MACF1: variants seen among roughly 807,000 people sequenced by gnomAD.
MACF1 encodes the protein microtubule-actin cross-linking factor 1.
A neutral mutation model predicts 854.8 loss-of-function variants in MACF1; 193 were observed. The ratio of observed to expected loss-of-function variants is 0.23; its 90% CI spans 0.20 to 0.25. The LOEUF (loss-of-function observed/expected upper bound fraction) is 0.25. MACF1 is among the 10% of genes least tolerant of loss of function. The probability of loss-of-function intolerance (pLI) is 1.00; values close to 1 mark genes in which losing one functional copy is unlikely to be tolerated. For missense variants in MACF1, 7,722 were observed against 8,929.1 expected, an observed-to-expected ratio of 0.86 and a Z score of 5.45; for synonymous variants, 3,185 against 3,226.7, an observed-to-expected ratio of 0.99 and a Z score of 0.44.
chr1:39,203,277 T>C (rs1471928973), upstream of MACF1, among the ~76,000 whole-genome samples: 1 of 152,192 alleles, frequency 6.6e-6, no homozygotes, highest in Non-Finnish European at 1.5e-5. Flanking sequence ...GATCATGGCT[T>C]GCTGCAGCCT....
chr1:39,314,332 C>G (rs554483475), intron 26 of MACF1, among the ~76,000 whole-genome samples: 1 of 152,050 alleles, frequency 6.6e-6, no homozygotes, highest in South Asian at 2.1e-4. Context: ...TCATTTGTAC[C>G]CGGGAGGCGG....
intron 2 of MACF1, among the ~76,000 whole-genome samples, chr1:39,161,896 A>T (rs962319588): frequency 3.7e-4 from 4 of 10,732 alleles, no homozygotes; most frequent in African/African-American, 4.0e-4. Context: ...AAAATAAATT[A>T]AAAAAAAAAA....
At chr1:39,372,348 T>C in intron 51 of MACF1, 131 bp from the exon 52 acceptor site, 2 of 596,198 alleles carry the variant, frequency 3.4e-6, no homozygotes, top group Admixed American at 2.9e-5. Context: ...ATTTGATAAA[T>C]GAATAAATAA....
chr1:39,349,166 A>G (rs1647124250), intron 41 of MACF1, among the ~76,000 whole-genome samples: 1 of 152,136 alleles, frequency 6.6e-6, no homozygotes, highest in South Asian at 2.1e-4. Flanking sequence ...GTGGATTTCA[A>G]GCATCTGGGC....
intron 58 of MACF1, among the ~76,000 whole-genome samples, chr1:39,395,768 A>G (rs1642249848): frequency 6.7e-6 from 1 of 148,504 alleles, no homozygotes; most frequent in African/African-American, 2.5e-5. Context: ...CACCCCCACC[A>G]TAGCAACTGG....
intron 88 of MACF1, among the ~76,000 whole-genome samples, chr1:39,454,297 G>A (rs1388955783): frequency 6.6e-6 from 1 of 152,178 alleles, no homozygotes. Context: ...GCAGACTTTT[G>A]CAGGTTGCAC....
chr1:39,185,859 G>C (rs967233247), intron 2 of MACF1, among the ~76,000 whole-genome samples: 1 of 152,108 alleles, frequency 6.6e-6, no homozygotes, highest in Non-Finnish European at 1.5e-5. Flanking sequence ...ATCATTAGAA[G>C]AGATTTTTAA....
At chr1:39,164,310 T>A (rs930368711) in intron 2 of MACF1, among the ~76,000 whole-genome samples, 7 of 152,206 alleles carry the variant, frequency 4.6e-5, no homozygotes, top group African/African-American at 1.4e-4. Flanking sequence ...TTAATTTTAT[T>A]TCACTTTTAA....
chr1:39,248,228 C>T (rs947487980), intron 2 of MACF1, among the ~76,000 whole-genome samples: 9 of 152,134 alleles, frequency 5.9e-5, no homozygotes, highest in African/African-American at 1.9e-4. Flanking sequence ...CTCCAAGTCC[C>T]GTTTCTTCGA....
intron 58 of MACF1, among the ~76,000 whole-genome samples, chr1:39,388,896 T>TTG (rs1641911888): frequency 7.1e-6 from 1 of 140,560 alleles, no homozygotes; most frequent in African/African-American, 2.8e-5. Context: ...TTTTTTTTTT[T>TTG]GAGACAGGGT....
intron 1 of MACF1, among the ~76,000 whole-genome samples, chr1:39,221,091 A>G (rs1644646589): frequency 6.6e-6 from 1 of 152,198 alleles, no homozygotes; most frequent in Non-Finnish European, 1.5e-5. Context: ...TGCGAAAGGT[A>G]TGTTTGGAAA....
chr1:39,151,966 A>AAT (rs935636113), intron 2 of MACF1, among the ~76,000 whole-genome samples: 1 of 151,894 alleles, frequency 6.6e-6, no homozygotes, highest in African/African-American at 2.4e-5. Flanking sequence ...TCTTTTATAA[A>AAT]ATATATATAT....
At chr1:39,355,460 C>CTTTTTTTTTTTTTTTTTTTTTTTTTTTTT (rs56202498) in intron 44 of MACF1, among the ~76,000 whole-genome samples, 1 of 81,052 alleles carries the variant, frequency 1.2e-5, no homozygotes, top group African/African-American at 4.9e-5. Context: ...TTTTCTTCTG[C>CTTTTTTTTTTTTTTTTTTTTTTTTTTTTT]TTTTTTTTTT....
chr1:39,153,537 T>C (rs765241862), intron 2 of MACF1, among the ~76,000 whole-genome samples: 7 of 152,214 alleles, frequency 4.6e-5, no homozygotes, highest in Non-Finnish European at 8.8e-5. Flanking sequence ...GCCTAAAGCA[T>C]GGGCTCTTTT....
rs748577104 is a variant in MACF1, at chr1:39,310,249, G to C, written c.2921G>C (p.Arg974Pro). 6.2e-7 allele frequency: 1 copy of C among 1,604,130 alleles called. No homozygotes were observed. Among genetic ancestry groups the C allele is most frequent in the Non-Finnish European group, 8.5e-7 (1 of 1,176,942 alleles). ...CTTCTGGCTTTTTCTTTCTAGCTTC[G>C]ATCCTCAGCACCAGGGGAGTGCCAT... ...LVQTWNLEKL[R>P]SSAPGECHQI... The change falls in exon 25 of 101, where the codon CGA (arginine) becomes CCA (proline). Residue 974 changes from arginine to proline, a missense_variant. Arg to Pro is a moderately radical substitution (Grantham distance 103, BLOSUM62 -2). Transcript: ENST00000564288.
chr1:39,335,441 T>G lies in MACF1; in HGVS notation c.8853T>G (p.Cys2951Trp). 1 of 1,614,182 alleles carries G rather than the reference T, an allele frequency of 6.2e-7. No individual in the cohort carries two copies. Among genetic ancestry groups the G allele is most frequent in the Non-Finnish European group, 8.5e-7 (1 of 1,180,020 alleles). Residue 2951 changes from cysteine (C) to tryptophan (W), a missense_variant, in exon 37 of 101, where the codon TGT becomes TGG. Coordinates refer to ENST00000564288, the MANE Select transcript of MACF1 (RefSeq NM_001394062.1). ...EVILEVQETY[C>W]ETSGKLPSEQ... ...TTTTGGAAGTACAAGAAACATATTG[T>G]GAAACGTCAGGCAAATTGCCGAGTG...
intron 2 of MACF1, among the ~76,000 whole-genome samples, chr1:39,188,934 C>CA (rs1644212309): frequency 6.6e-6 from 1 of 152,044 alleles, no homozygotes; most frequent in African/African-American, 2.4e-5. Flanking sequence ...GGCGGGGTTT[C>CA]ACCATGTTGG....
intron 7 of MACF1, 145 bp downstream of exon 7, chr1:39,282,519 T>C (rs900478635): frequency 2.0e-6 from 2 of 1,002,000 alleles, no homozygotes; most frequent in African/African-American, 3.3e-5. Flanking sequence ...TTTATTTAAC[T>C]ACTTTTCTAG....
chr1:39,217,432 A>C (rs1367253408), intron 1 of MACF1, among the ~76,000 whole-genome samples: 2 of 151,590 alleles, frequency 1.3e-5, no homozygotes, highest in Non-Finnish European at 2.9e-5. Context: ...GCATCACCAC[A>C]CCTGGCTAAT....
Sources: allele counts gnomAD v4.1 joint callset (sites outside exome capture counted in the v4.1 genomes callset), GRCh38; gene constraint gnomAD v4.1.1; transcripts MANE v1.5; gene names NCBI Gene and HGNC (gene_info 2026-07-23, HGNC 2026-07-21).